NRG1: variants seen among roughly 807,000 people sequenced by gnomAD.
NRG1 encodes pro-neuregulin-1, membrane-bound isoform.
NRG1 carries 18 observed loss-of-function variants against 63.8 expected under a neutral mutation model. The observed-to-expected ratio is 0.28, with a 90% CI of 0.19 to 0.42. The LOEUF (loss-of-function observed/expected upper bound fraction) is 0.42. Ranked by LOEUF, NRG1 falls within the 10% of genes least tolerant of loss-of-function variation. The pLI, the probability that NRG1 is intolerant of heterozygous loss-of-function variation, is 1.00. For synonymous variants in NRG1, 302 were observed against 301.3 expected, an observed-to-expected ratio of 1.00 and a Z score of -0.02; for missense variants, 762 against 814.7, an observed-to-expected ratio of 0.94 and a Z score of 0.79.
At chr8:31,841,378 G>T (rs916313581) in intron 1 of NRG1, among the ~76,000 whole-genome samples, 2 of 152,098 alleles carry the variant, frequency 1.3e-5, no homozygotes, top group South Asian at 2.1e-4. Flanking sequence ...GTCATGGGGG[G>T]TCTTACACAA....
chr8:32,301,526 A>G (rs1047973345), intron 1 of NRG1, among the ~76,000 whole-genome samples: 1 of 152,128 alleles, frequency 6.6e-6, no homozygotes, highest in Admixed American at 6.6e-5. Context: ...CTATTAGTCC[A>G]TTTTCGTGCT....
chr8:31,812,678 C>A (rs1823010230), intron 1 of NRG1, among the ~76,000 whole-genome samples: 1 of 150,788 alleles, frequency 6.6e-6, no homozygotes, highest in African/African-American at 2.4e-5. Context: ...CCTCCCCTCG[C>A]TGCTCCTCTC....
At chr8:32,346,767 T>C (rs1261715069) in intron 1 of NRG1, among the ~76,000 whole-genome samples, 1 of 152,118 alleles carries the variant, frequency 6.6e-6, no homozygotes, top group African/African-American at 2.4e-5. Context: ...TTTTGATACA[T>C]GTATACAACA....
rs1586094603 is a variant in NRG1 at position 31,960,886 on chromosome 8, A to G, written c.37+321455A>G. Reference sequence around the variant, plus strand: ...ACCATAACAAAAGGGTTGTTTTCTCACCAAGCAGTTATTATTTGTTGTACT... The same window carrying G: ...ACCATAACAAAAGGGTTGTTTTCTCGCCAAGCAGTTATTATTTGTTGTACT... On this transcript the variant is annotated intron_variant, in intron 1 of 10. Transcript: ENST00000519301. Among the ~76,000 whole-genome samples, 3 of 152,294 alleles carry G rather than the reference A, an allele frequency of 2.0e-5. No homozygotes were observed. In the South Asian group the frequency reaches 6.2e-4, roughly 32 times the overall value.
intron 1 of NRG1, among the ~76,000 whole-genome samples, chr8:32,067,012 T>C (rs950435639): frequency 1.3e-5 from 2 of 152,190 alleles, no homozygotes; most frequent in Non-Finnish European, 2.9e-5. Context: ...TGGATAAGAA[T>C]GCTTGTGATT....
chr8:32,444,827 C>T (rs374018615), intron 1 of NRG1, among the ~76,000 whole-genome samples: 2 of 152,130 alleles, frequency 1.3e-5, no homozygotes, highest in East Asian at 1.9e-4. Context: ...GTCATTTTGC[C>T]CCTTTGAGCC....
At chr8:32,093,447 C>A (rs938174216) in intron 1 of NRG1, among the ~76,000 whole-genome samples, 1 of 152,196 alleles carries the variant, frequency 6.6e-6, no homozygotes, top group African/African-American at 2.4e-5. Context: ...AAAGATAGTA[C>A]AGGAAAGTGT....
intron 1 of NRG1, among the ~76,000 whole-genome samples, chr8:32,105,157 A>G (rs1831098111): frequency 1.3e-5 from 2 of 152,170 alleles, no homozygotes; most frequent in South Asian, 2.1e-4. Flanking sequence ...TAAGTGATAG[A>G]AATTTTTTAG....
At chr8:32,204,239 A>T (rs569630493) in intron 1 of NRG1, among the ~76,000 whole-genome samples, 1 of 152,338 alleles carries the variant, frequency 6.6e-6, no homozygotes, top group East Asian at 1.9e-4. Context: ...CAAAAACTTC[A>T]GCTCTTACTT....
intron 1 of NRG1, among the ~76,000 whole-genome samples, chr8:31,964,884 A>G (rs1337133233): frequency 6.6e-6 from 1 of 152,182 alleles, no homozygotes; most frequent in Middle Eastern, 3.2e-3. Context: ...TACTCAAGCA[A>G]TCTGACTCCA....
At chr8:32,676,318 C>A (rs1242802275) in intron 5 of NRG1, among the ~76,000 whole-genome samples, 2 of 152,154 alleles carry the variant, frequency 1.3e-5, no homozygotes, top group South Asian at 2.1e-4. Flanking sequence ...GTGGCCATGA[C>A]CCCAGGGGGG....
intron 1 of NRG1, among the ~76,000 whole-genome samples, chr8:32,159,360 C>T (rs183593638): frequency 6.7e-6 from 1 of 150,168 alleles, no homozygotes; most frequent in Non-Finnish European, 1.5e-5. Context: ...AGGTGAAACC[C>T]CGTCTCTACT....
chr8:32,063,951 G>A (rs1242052849), intron 1 of NRG1, among the ~76,000 whole-genome samples: 2 of 152,098 alleles, frequency 1.3e-5, no homozygotes, highest in Non-Finnish European at 1.5e-5. Flanking sequence ...ATCAGGAAGT[G>A]TGGGCAGGGA....
chr8:31,715,432 T>C (rs748917236), intron 1 of NRG1, among the ~76,000 whole-genome samples: 1 of 152,120 alleles, frequency 6.6e-6, no homozygotes, highest in Non-Finnish European at 1.5e-5. Flanking sequence ...TGCTGTCAAG[T>C]TTTTAATAAA....
At chr8:31,971,377 T>C (rs566881423) in intron 1 of NRG1, among the ~76,000 whole-genome samples, 2 of 152,328 alleles carry the variant, frequency 1.3e-5, no homozygotes, top group Non-Finnish European at 2.9e-5. Flanking sequence ...TTTCATTTTT[T>C]ACATTTTGTG....
At chr8:31,927,862 T>C (rs149230511) in intron 1 of NRG1, among the ~76,000 whole-genome samples, 1 of 150,264 alleles carries the variant, frequency 6.7e-6, no homozygotes, top group Non-Finnish European at 1.5e-5. Flanking sequence ...TTTAAAAAAT[T>C]TTATTATTAT....
At chr8:32,395,132 T>G (rs919555895) in intron 1 of NRG1, among the ~76,000 whole-genome samples, 1 of 152,168 alleles carries the variant, frequency 6.6e-6, no homozygotes, top group Non-Finnish European at 1.5e-5. Flanking sequence ...CCCCTTCCTG[T>G]ATATACAAAG....
intron 1 of NRG1, among the ~76,000 whole-genome samples, chr8:32,071,179 C>T (rs552440075): frequency 5.3e-5 from 8 of 152,306 alleles, no homozygotes; most frequent in African/African-American, 1.9e-4. Flanking sequence ...GCGCATTGGC[C>T]ACCACAAAGG....
chr8:32,630,565 G>C (rs759818671), intron 5 of NRG1, among the ~76,000 whole-genome samples: 19 of 152,180 alleles, frequency 1.2e-4, no homozygotes, highest in Non-Finnish European at 1.8e-4. Context: ...GCTACTTCAT[G>C]TTTGAAGTTG....
Sources: gnomAD v4.1 joint callset for allele counts (sites outside exome capture counted in the v4.1 genomes callset) on GRCh38, gnomAD v4.1.1 for gene constraint, MANE v1.5 for transcripts, NCBI Gene and HGNC (gene_info 2026-07-23, HGNC 2026-07-21) for gene names.